The following IL1RAPL2 variants were observed in gnomAD, a reference collection of about 807,000 sequenced individuals.
The protein encoded by IL1RAPL2 is interleukin 1 receptor accessory protein like 2.
In IL1RAPL2, 3 loss-of-function variants were observed where a neutral mutation model predicts 44.1. The ratio of observed to expected loss-of-function variants is 0.07; its 90% CI spans 0.03 to 0.18. IL1RAPL2 has a LOEUF of 0.18. Among genes scored for constraint, IL1RAPL2 ranks in the 10% least tolerant of loss-of-function variants. The pLI is 1.00. For missense variants in IL1RAPL2, 391 were observed against 496.4 expected (o/e 0.79, Z 2.02); for synonymous variants, 181 against 178.8 (o/e 1.01, Z -0.10).
At chrX:105,577,399 G>A (rs1261383969) in intron 6 of IL1RAPL2, among the ~76,000 whole-genome samples, 1 of 110,395 alleles carries the variant, frequency 9.1e-6, no homozygotes, top group East Asian at 2.9e-4. Flanking sequence ...AATGATAATG[G>A]CACTAACACA....
At chrX:104,727,318 C>G (rs1931815715) in intron 2 of IL1RAPL2, among the ~76,000 whole-genome samples, 1 of 110,603 alleles carries the variant, frequency 9.0e-6, no homozygotes, top group Admixed American at 9.7e-5. Context: ...AAATGGCCAA[C>G]AAGCATATGA....
intron 2 of IL1RAPL2, among the ~76,000 whole-genome samples, chrX:104,745,109 G>C (rs1181341115): frequency 5.4e-5 from 6 of 111,509 alleles, no homozygotes; most frequent in Non-Finnish European, 1.1e-4. Context: ...CTTTGGGATA[G>C]TGTGATTGTT....
intron 5 of IL1RAPL2, among the ~76,000 whole-genome samples, chrX:105,407,642 G>A (rs1046455962): frequency 3.7e-4 from 41 of 111,294 alleles, no homozygotes; most frequent in African/African-American, 1.3e-3. Context: ...TACTTTTTAG[G>A]TTAGGACAAA....
intron 2 of IL1RAPL2, among the ~76,000 whole-genome samples, chrX:104,829,049 T>A (rs1004758155): frequency 1.8e-5 from 2 of 112,199 alleles, no homozygotes; most frequent in East Asian, 5.6e-4. Context: ...AGCCAGTGGA[T>A]CTTACCTTGC....
chrX:105,283,150 C>T (rs2034544912), intron 5 of IL1RAPL2, among the ~76,000 whole-genome samples: 2 of 111,653 alleles, frequency 1.8e-5, no homozygotes, highest in South Asian at 7.4e-4. Context: ...TCATCAAATA[C>T]TCATTGTTCT....
intron 2 of IL1RAPL2, among the ~76,000 whole-genome samples, chrX:104,676,678 A>T (rs966119168): frequency 1.8e-5 from 2 of 111,796 alleles, no homozygotes; most frequent in African/African-American, 6.5e-5. Flanking sequence ...TCTCCTGGAT[A>T]ATATCCTGCA....
chrX:105,084,201 T>C, intron 2 of IL1RAPL2, among the ~76,000 whole-genome samples: 1 of 112,127 alleles, frequency 8.9e-6, no homozygotes, highest in East Asian at 2.8e-4. Context: ...TCACACAGAG[T>C]CCCCAATGGG....
intron 6 of IL1RAPL2, among the ~76,000 whole-genome samples, chrX:105,659,679 A>T (rs925363710): frequency 1.9e-4 from 21 of 108,021 alleles, no homozygotes; most frequent in South Asian, 8.5e-4. Flanking sequence ...TAAAATAAAA[A>T]AAAATAAATA....
chrX:104,949,918 G>A (rs1468004830), intron 2 of IL1RAPL2, among the ~76,000 whole-genome samples: 7 of 111,366 alleles, frequency 6.3e-5, no homozygotes, highest in Non-Finnish European at 9.4e-5. Flanking sequence ...GGAGAGTTCT[G>A]TAGATGTCTA....
intron 2 of IL1RAPL2, among the ~76,000 whole-genome samples, chrX:104,900,206 T>C (rs1923773832): frequency 8.9e-6 from 1 of 111,964 alleles, no homozygotes; most frequent in Non-Finnish European, 1.9e-5. Flanking sequence ...CCCGTAAAAC[T>C]GTTTCACAAG....
chrX:105,209,799 C>T (rs139302920), intron 3 of IL1RAPL2, among the ~76,000 whole-genome samples: 1,920 of 111,803 alleles, frequency 0.017, 45 homozygotes, highest in African/African-American at 0.058. Flanking sequence ...AAATATAAAA[C>T]CCAAATCCAA....
At chrX:104,945,355 A>C (rs1052449806) in intron 2 of IL1RAPL2, among the ~76,000 whole-genome samples, 1 of 111,181 alleles carries the variant, frequency 9.0e-6, no homozygotes, top group African/African-American at 3.3e-5. Context: ...AAATGCCTAA[A>C]ATATTTAGTA....
At chrX:104,893,324 G>T (rs1923525455) in intron 2 of IL1RAPL2, among the ~76,000 whole-genome samples, 1 of 111,413 alleles carries the variant, frequency 9.0e-6, no homozygotes, top group African/African-American at 3.3e-5. Context: ...GTGCAGAGCT[G>T]GGTTCAATTT....
chrX:105,474,796 T>TTTTA (rs1294151663), intron 5 of IL1RAPL2, among the ~76,000 whole-genome samples: 1 of 111,362 alleles, frequency 9.0e-6, no homozygotes, highest in Non-Finnish European at 1.9e-5. Flanking sequence ...TTTCTTTCCT[T>TTTTA]TTTATTTATT....
chrX:104,860,916 C>T (rs1034432859), intron 2 of IL1RAPL2, among the ~76,000 whole-genome samples: 3 of 111,262 alleles, frequency 2.7e-5, no homozygotes, highest in African/African-American at 6.5e-5. Flanking sequence ...TCCAGAGGTC[C>T]TGATTCTTGG....
chrX:105,397,211 A>T (rs372464186), intron 5 of IL1RAPL2, among the ~76,000 whole-genome samples: 5 of 111,005 alleles, frequency 4.5e-5, no homozygotes, highest in African/African-American at 1.6e-4. Flanking sequence ...TTCATTACAT[A>T]TTATAATGTA....
intron 2 of IL1RAPL2, among the ~76,000 whole-genome samples, chrX:104,990,277 G>A (rs1310395035): frequency 8.9e-6 from 1 of 112,302 alleles, no homozygotes; most frequent in Non-Finnish European, 1.9e-5. Flanking sequence ...CTTGTGTGGT[G>A]TAAAAGTCAC....
At chrX:105,418,230 G>A (rs1159996262) in intron 5 of IL1RAPL2, among the ~76,000 whole-genome samples, 1 of 110,741 alleles carries the variant, frequency 9.0e-6, no homozygotes, top group Admixed American at 9.6e-5. Context: ...AAAAAAAAAT[G>A]AATGAATGGA....
chrX:104,800,198 G>A (rs1932875984), intron 2 of IL1RAPL2, among the ~76,000 whole-genome samples: 1 of 111,383 alleles, frequency 9.0e-6, no homozygotes, highest in South Asian at 3.8e-4. Context: ...AATTAGACTT[G>A]GGTTTGAATC....
Sources: allele counts gnomAD v4.1 joint callset (sites outside exome capture counted in the v4.1 genomes callset), GRCh38; gene constraint gnomAD v4.1.1; transcripts MANE v1.5; gene names NCBI Gene and HGNC (gene_info 2026-07-23, HGNC 2026-07-21).